The following RAB38 variants were observed in gnomAD, a reference collection of about 807,000 sequenced individuals.
The protein encoded by RAB38 is RAB38, member RAS oncogene family, also known as ras-related protein Rab-38.
Under a neutral mutation model 18.4 loss-of-function variants are expected in RAB38, and 15 were observed. The ratio of observed to expected loss-of-function variants is 0.82; its 90% CI spans 0.55 to 1.26. The LOEUF is 1.26. Ranked by LOEUF, RAB38 falls within the 50% of genes most tolerant of loss-of-function variation. The pLI is 0.00. For missense variants in RAB38, 294 were observed against 267.4 expected (o/e 1.10, Z -0.69); for synonymous variants, 101 against 104.4 (o/e 0.97, Z 0.20).
At chr11:87,933,727 C>T in the RAB38 span, among the ~76,000 whole-genome samples, 2 of 151,952 alleles carry the variant, frequency 1.3e-5, no homozygotes, top group African/African-American at 4.8e-5. Flanking sequence ...AAAAAATTCC[C>T]TTTAGCATAA....
chr11:88,174,763 G>A (rs913434003), intron 1 of RAB38, among the ~76,000 whole-genome samples: 1 of 152,220 alleles, frequency 6.6e-6, no homozygotes, highest in Non-Finnish European at 1.5e-5. Flanking sequence ...AACTATCCCG[G>A]TTTCCTCTGT....
the RAB38 span, among the ~76,000 whole-genome samples, chr11:87,972,523 T>C: frequency 4.9e-5 from 1 of 20,566 alleles, no homozygotes; most frequent in Admixed American, 6.6e-4. Flanking sequence ...GCAGTTCTTG[T>C]TTTTTTTCCA....
chr11:88,090,425 G>T, the RAB38 span, among the ~76,000 whole-genome samples: 1 of 151,932 alleles, frequency 6.6e-6, no homozygotes, highest in African/African-American at 2.4e-5. Context: ...CAGCAAATGG[G>T]CCTTTGCAAT....
the RAB38 span, among the ~76,000 whole-genome samples, chr11:88,086,480 C>T: frequency 6.6e-6 from 1 of 151,994 alleles, no homozygotes; most frequent in East Asian, 1.9e-4. Context: ...TAAAGTTTGA[C>T]AATTGTTTCC....
At chr11:87,820,072 AG>A in the RAB38 span, among the ~76,000 whole-genome samples, 4 of 152,204 alleles carry the variant, frequency 2.6e-5, no homozygotes, top group African/African-American at 7.2e-5. Flanking sequence ...ATAAGCTCTC[AG>A]GGAAGTAAGC....
chr11:87,831,696 T>C, the RAB38 span, among the ~76,000 whole-genome samples: 4 of 152,146 alleles, frequency 2.6e-5, no homozygotes, highest in Non-Finnish European at 5.9e-5. Context: ...GAAGCTTGGC[T>C]CAGCAGTCTA....
chr11:87,859,218 G>A, the RAB38 span, among the ~76,000 whole-genome samples: 2 of 151,828 alleles, frequency 1.3e-5, no homozygotes, highest in African/African-American at 2.4e-5. Flanking sequence ...ATACGCCATT[G>A]AGAAGACAAA....
the RAB38 span, among the ~76,000 whole-genome samples, chr11:88,022,160 G>A: frequency 1.1e-4 from 16 of 151,962 alleles, no homozygotes; most frequent in Non-Finnish European, 1.9e-4. Context: ...ATGACAAAGT[G>A]GTATCCCAGG....
chr11:87,922,379 G>A, the RAB38 span, among the ~76,000 whole-genome samples: 1 of 152,104 alleles, frequency 6.6e-6, no homozygotes, highest in Admixed American at 6.6e-5. Flanking sequence ...CTCCTAAGTA[G>A]AAAGCACTGT....
At chr11:88,173,453 A>ATT in intron 1 of RAB38, 22 of 868,528 alleles carry the variant, frequency 2.5e-5, no homozygotes, top group Non-Finnish European at 2.9e-5. Context: ...AAGGATCCAG[A>ATT]TGGAGGCAGT....
the RAB38 span, among the ~76,000 whole-genome samples, chr11:87,871,568 A>G: frequency 1.3e-5 from 2 of 151,608 alleles, no homozygotes; most frequent in Non-Finnish European, 3.0e-5. Flanking sequence ...ATAATTTTAT[A>G]AAAATATAAA....
chr11:88,004,002 A>T, the RAB38 span, among the ~76,000 whole-genome samples: 72,242 of 126,678 alleles, frequency 0.57, 20,809 homozygotes, highest in East Asian at 0.71. Flanking sequence ...TATATATATA[A>T]AAAAGGTATA....
chr11:87,920,891 C>T, the RAB38 span, among the ~76,000 whole-genome samples: 1 of 151,940 alleles, frequency 6.6e-6, no homozygotes, highest in Non-Finnish European at 1.5e-5. Context: ...TGTTTTAGTA[C>T]ATATTATATA....
the RAB38 span, among the ~76,000 whole-genome samples, chr11:87,946,104 T>C: frequency 6.6e-6 from 1 of 152,140 alleles, no homozygotes; most frequent in East Asian, 1.9e-4. Context: ...CTCAGTTCAA[T>C]AGTAGGGGAA....
the RAB38 span, among the ~76,000 whole-genome samples, chr11:87,819,718 GTGTATGTATATATATGTGTATATATATA>G: frequency 1.7e-4 from 1 of 6,058 alleles, no homozygotes; most frequent in African/African-American, 2.2e-4. Flanking sequence ...ATATATATAC[GTGTATGTATATATATGTGTATATATATA>G]TATACGTGTA....
the RAB38 span, among the ~76,000 whole-genome samples, chr11:87,963,844 C>T: frequency 6.6e-6 from 1 of 152,050 alleles, no homozygotes; most frequent in African/African-American, 2.4e-5. Context: ...CACAGGGTTT[C>T]ACCATGTTGG....
At chr11:88,116,842 T>G (rs1327865787) in intron 2 of RAB38, among the ~76,000 whole-genome samples, 2 of 152,244 alleles carry the variant, frequency 1.3e-5, no homozygotes, top group East Asian at 3.8e-4. Flanking sequence ...AACTGCCAGT[T>G]AAACAGGTTT....
the RAB38 span, among the ~76,000 whole-genome samples, chr11:88,019,246 T>G: frequency 1.3e-5 from 2 of 152,168 alleles, no homozygotes; most frequent in African/African-American, 2.4e-5. Flanking sequence ...TCTCTATCTT[T>G]GTAAATGGTA....
the RAB38 span, among the ~76,000 whole-genome samples, chr11:87,861,856 G>A: frequency 1.3e-5 from 2 of 151,432 alleles, no homozygotes; most frequent in Non-Finnish European, 3.0e-5. Flanking sequence ...AGTTAATAAC[G>A]TACAACAGAC....
Sources: allele counts gnomAD v4.1 joint callset (sites outside exome capture counted in the v4.1 genomes callset), GRCh38; gene constraint gnomAD v4.1.1; transcripts MANE v1.5; gene names NCBI Gene and HGNC (gene_info 2026-07-23, HGNC 2026-07-21).